Variants in COP1 observed in about 807,000 individuals in gnomAD.
COP1 encodes the protein COP1 E3 ubiquitin ligase, also known as E3 ubiquitin-protein ligase COP1.
In COP1, 24 loss-of-function variants were observed where a neutral mutation model predicts 101.3. That is an observed-to-expected ratio of 0.24 (90% CI 0.17 to 0.33). The LOEUF is 0.33. Ranked by LOEUF, COP1 falls within the 10% of genes least tolerant of loss-of-function variation. COP1 has a pLI of 1.00. For missense variants in COP1, 663 were observed against 906.2 expected (o/e 0.73, Z 3.45); for synonymous variants, 347 against 341.9 (o/e 1.01, Z -0.17).
chr1:176,043,098 G>C, intron 14 of COP1, 88 bp downstream of exon 14: 3 of 785,036 alleles, frequency 3.8e-6, no homozygotes, highest in Non-Finnish European at 6.7e-6. Context: ...ATGAGTTTGA[G>C]TAAATATTTG....
intron 11 of COP1, among the ~76,000 whole-genome samples, chr1:176,054,214 C>T (rs1202895120): frequency 6.7e-6 from 1 of 148,546 alleles, no homozygotes; most frequent in Non-Finnish European, 1.5e-5. Flanking sequence ...GGCTGGGGTG[C>T]AGTGGGCATG....
At chr1:176,108,435 A>C (rs1684713398) in intron 9 of COP1, among the ~76,000 whole-genome samples, 1 of 152,206 alleles carries the variant, frequency 6.6e-6, no homozygotes, top group Non-Finnish European at 1.5e-5. Context: ...AGTACTTAGA[A>C]TCATTCCTTG....
chr1:176,044,812 T>C (rs1202739264), intron 12 of COP1, among the ~76,000 whole-genome samples: 1 of 152,192 alleles, frequency 6.6e-6, no homozygotes, highest in Non-Finnish European at 1.5e-5. Flanking sequence ...TTTCACCATT[T>C]ATTCCAATAT....
At chr1:175,977,932 TC>T (rs1488942239) in intron 18 of COP1, among the ~76,000 whole-genome samples, 14 of 152,136 alleles carry the variant, frequency 9.2e-5, no homozygotes, top group Non-Finnish European at 1.5e-4. Flanking sequence ...ATATTCACTT[TC>T]CTTCTTTCTA....
At chr1:176,198,760 G>A (rs776291727) in intron 1 of COP1, among the ~76,000 whole-genome samples, 2 of 151,966 alleles carry the variant, frequency 1.3e-5, no homozygotes, top group East Asian at 1.9e-4. Context: ...CACTTACAAC[G>A]CAAGATGACA....
At chr1:175,952,280 G>A (rs1055976372) in intron 18 of COP1, among the ~76,000 whole-genome samples, 6 of 152,048 alleles carry the variant, frequency 3.9e-5, no homozygotes, top group African/African-American at 1.2e-4. Flanking sequence ...AAATTAGCTG[G>A]GCGTGGTGGC....
At chr1:175,970,532 AAT>A (rs1292876081) in intron 18 of COP1, among the ~76,000 whole-genome samples, 1 of 152,186 alleles carries the variant, frequency 6.6e-6, no homozygotes, top group Non-Finnish European at 1.5e-5. Flanking sequence ...GAGATCAGGA[AAT>A]AGAGCAGTTA....
intron 5 of COP1, among the ~76,000 whole-genome samples, chr1:176,157,663 A>C (rs1418162219): frequency 6.6e-6 from 1 of 152,366 alleles, no homozygotes; most frequent in East Asian, 1.9e-4. Context: ...TTTCCAAGTA[A>C]CTTAACTACA....
At position 176,085,784 on chromosome 1, in the gene COP1, C is replaced by A; in HGVS notation, c.1133G>T (p.Arg378Leu). The change falls in exon 10 of 20, where the codon CGT becomes CTT. Residue 378 changes from arginine to leucine, a missense_variant. Coordinates refer to ENST00000367669, the MANE Select transcript of COP1 (RefSeq NM_022457.7). ...EQCYFSTRMS[R>L]ISDDSRTASQ... The stretch of plus-strand genomic sequence containing the variant: ...AAGGTCTAAATATATACCTGAGATA[C>A]GAGACATCCTTGTAGAAAAGTAACA... 6.3e-7 allele frequency: 1 copy of A among 1,576,596 alleles called. No individual in the cohort carries two copies. The highest frequency in any genetic ancestry group is 8.7e-7 in the Non-Finnish European group (1 of 1,149,550).
At chr1:176,060,276 C>T (rs528266633) in intron 11 of COP1, among the ~76,000 whole-genome samples, 172 of 152,248 alleles carry the variant, frequency 1.1e-3, no homozygotes, top group African/African-American at 4.1e-3. Flanking sequence ...TTGTGAATAT[C>T]AAGTGTTTAT....
At chr1:175,971,294 T>C (rs1211649374) in intron 18 of COP1, among the ~76,000 whole-genome samples, 1 of 152,218 alleles carries the variant, frequency 6.6e-6, no homozygotes, top group Admixed American at 6.5e-5. Context: ...ACCTCATTTG[T>C]TATATTTTGA....
At chr1:176,072,140 T>C (rs1677115313) in intron 11 of COP1, among the ~76,000 whole-genome samples, 1 of 152,336 alleles carries the variant, frequency 6.6e-6, no homozygotes, top group East Asian at 1.9e-4. Context: ...TTTAAGTTGT[T>C]AACATGAATT....
intron 15 of COP1, among the ~76,000 whole-genome samples, chr1:176,006,131 T>C (rs995107775): frequency 2.0e-5 from 3 of 152,192 alleles, no homozygotes; most frequent in African/African-American, 4.8e-5. Context: ...TTGATCTTTG[T>C]TGGTTTAAAG....
chr1:176,166,470 A>G (rs1695172354), intron 3 of COP1, among the ~76,000 whole-genome samples: 1 of 152,224 alleles, frequency 6.6e-6, no homozygotes, highest in South Asian at 2.1e-4. Context: ...ATTACAAAAT[A>G]AAGTTACAGC....
intron 14 of COP1, among the ~76,000 whole-genome samples, chr1:176,039,204 G>T (rs1356615742): frequency 1.3e-5 from 2 of 151,992 alleles, no homozygotes; most frequent in African/African-American, 4.8e-5. Context: ...ATAATTCTAA[G>T]TAACACATAC....
At chr1:176,036,628 T>C (rs541457125) in intron 14 of COP1, among the ~76,000 whole-genome samples, 1 of 152,026 alleles carries the variant, frequency 6.6e-6, no homozygotes, top group African/African-American at 2.4e-5. Flanking sequence ...ATGGTGAGAA[T>C]GCAATGTGCA....
chr1:176,086,990 C>T (rs972090885), intron 9 of COP1, among the ~76,000 whole-genome samples: 2 of 152,108 alleles, frequency 1.3e-5, no homozygotes, highest in Non-Finnish European at 2.9e-5. Flanking sequence ...ACAAATCTGA[C>T]AAAAACAAGA....
intron 6 of COP1, among the ~76,000 whole-genome samples, chr1:176,137,722 TTAACTCATTTCTTTAA>T (rs1230649795): frequency 6.6e-6 from 1 of 152,212 alleles, no homozygotes; most frequent in Non-Finnish European, 1.5e-5. Flanking sequence ...TACCTTATTA[TTAACTCATTTCTTTAA>T]TAACTGATAA....
intron 14 of COP1, among the ~76,000 whole-genome samples, chr1:176,039,806 T>G (rs1423545529): frequency 3.3e-5 from 5 of 152,030 alleles, no homozygotes; most frequent in Non-Finnish European, 7.4e-5. Flanking sequence ...GACCATTCAA[T>G]AGGGAAAGGA....
Sources: gnomAD v4.1 joint callset for allele counts (sites outside exome capture counted in the v4.1 genomes callset) on GRCh38, gnomAD v4.1.1 for gene constraint, MANE v1.5 for transcripts, NCBI Gene and HGNC (gene_info 2026-07-23, HGNC 2026-07-21) for gene names.